COL4A5: variants seen among roughly 807,000 people sequenced by gnomAD.
COL4A5 encodes collagen alpha-5(IV) chain.
A neutral mutation model predicts 130.2 loss-of-function variants in COL4A5; 26 were observed. The ratio of observed to expected loss-of-function variants is 0.20; its 90% CI spans 0.15 to 0.28. The LOEUF (loss-of-function observed/expected upper bound fraction) is 0.28. Among genes scored for constraint, COL4A5 ranks in the 10% least tolerant of loss-of-function variants. COL4A5 has a pLI of 1.00. For missense variants in COL4A5, 1,131 were observed against 1,344.3 expected (o/e 0.84, Z 2.48); for synonymous variants, 496 against 439.6 (o/e 1.13, Z -1.60).
chrX:108,508,175 A>T (rs940958553), intron 1 of COL4A5, among the ~76,000 whole-genome samples: 1 of 111,118 alleles, frequency 9.0e-6, no homozygotes, highest in Non-Finnish European at 1.9e-5. Flanking sequence ...CAGCTGATAA[A>T]CAACTTTGGC....
intron 1 of COL4A5, among the ~76,000 whole-genome samples, chrX:108,485,506 T>G (rs1429001696): frequency 9.0e-6 from 1 of 110,696 alleles, no homozygotes; most frequent in African/African-American, 3.3e-5. Flanking sequence ...GGGCTACTGG[T>G]TATTTAGTCT....
At chrX:108,647,308 G>C (rs1374424900) in intron 36 of COL4A5, among the ~76,000 whole-genome samples, 2 of 111,250 alleles carry the variant, frequency 1.8e-5, no homozygotes, top group African/African-American at 6.5e-5. Flanking sequence ...TCCCTTGTAA[G>C]TTGGATTCCT....
intron 8 of COL4A5, among the ~76,000 whole-genome samples, 169 bp from the exon 9 acceptor site, chrX:108,573,405 A>C (rs1024718239): frequency 2.7e-5 from 3 of 111,679 alleles, no homozygotes; most frequent in African/African-American, 9.7e-5. Context: ...TACTCTGGCC[A>C]CTTCCTCATT....
At chrX:108,580,445 A>G in intron 13 of COL4A5, 88 bp from the exon 14 acceptor site, 1 of 784,461 alleles carries the variant, frequency 1.3e-6, no homozygotes, top group South Asian at 2.1e-5. Context: ...TCAGTTTATT[A>G]AAAATGCTCC....
chrX:108,540,170 C>T (rs1480104626), intron 2 of COL4A5, among the ~76,000 whole-genome samples: 3 of 111,299 alleles, frequency 2.7e-5, no homozygotes, highest in Non-Finnish European at 5.7e-5. Context: ...ATATTTCTGG[C>T]GACCACAGAA....
intron 2 of COL4A5, among the ~76,000 whole-genome samples, chrX:108,540,699 C>T (rs2065525166): frequency 1.8e-5 from 2 of 111,872 alleles, no homozygotes. Flanking sequence ...GATCTGCCCA[C>T]CTTGGCAGGG....
chrX:108,547,382 C>A (rs759426470), intron 2 of COL4A5, among the ~76,000 whole-genome samples: 1 of 111,724 alleles, frequency 9.0e-6, no homozygotes, highest in South Asian at 3.7e-4. Flanking sequence ...CACTCCAGAC[C>A]CTGTTTGCAT....
chrX:108,457,509 A>G (rs978315623), intron 1 of COL4A5, among the ~76,000 whole-genome samples: 1 of 111,719 alleles, frequency 9.0e-6, no homozygotes, highest in Non-Finnish European at 1.9e-5. Flanking sequence ...TGCATTTGAT[A>G]TTGTCACTCT....
intron 21 of COL4A5, among the ~76,000 whole-genome samples, chrX:108,595,259 A>G (rs2066494480): frequency 8.9e-6 from 1 of 111,969 alleles, no homozygotes; most frequent in African/African-American, 3.2e-5. Flanking sequence ...AGTGTGAGGC[A>G]TGTAGACATG....
chrX:108,455,064 AT>A (rs1299780978), intron 1 of COL4A5, among the ~76,000 whole-genome samples: 1 of 112,250 alleles, frequency 8.9e-6, no homozygotes, highest in African/African-American at 3.2e-5. Flanking sequence ...GCTCCAAAAG[AT>A]TTTTATTCCT....
intron 19 of COL4A5, among the ~76,000 whole-genome samples, chrX:108,588,785 A>T (rs73526300): frequency 4.9e-4 from 54 of 111,214 alleles, no homozygotes; most frequent in African/African-American, 1.5e-3. Context: ...ACAAAAGGCC[A>T]ATCACCTACA....
chrX:108,627,273 T>C, intron 36 of COL4A5: 1 of 611,026 alleles, frequency 1.6e-6, no homozygotes, highest in East Asian at 1.7e-4. Context: ...ATATTAAGGG[T>C]AAGAGTGAAA....
chrX:108,500,119 TG>T (rs1439749912), intron 1 of COL4A5, among the ~76,000 whole-genome samples: 3 of 112,340 alleles, frequency 2.7e-5, no homozygotes, highest in Non-Finnish European at 5.6e-5. Context: ...AGTAAATACC[TG>T]AACTGTTTTC....
intron 38 of COL4A5, among the ~76,000 whole-genome samples, chrX:108,665,849 G>A (rs780386921): frequency 1.7e-4 from 19 of 111,824 alleles, no homozygotes; most frequent in African/African-American, 5.5e-4. Context: ...TCAGGAGCTC[G>A]AGACTAGCTT....
chrX:108,522,406 T>G (rs1438316342), intron 1 of COL4A5, among the ~76,000 whole-genome samples: 2 of 104,712 alleles, frequency 1.9e-5, no homozygotes, highest in African/African-American at 3.5e-5. Flanking sequence ...CCACTAGCAA[T>G]GTAGGAGAGT....
intron 1 of COL4A5, among the ~76,000 whole-genome samples, chrX:108,509,563 T>C: frequency 8.9e-6 from 1 of 112,100 alleles, no homozygotes; most frequent in Non-Finnish European, 1.9e-5. Context: ...AAATGCTCAA[T>C]GTCACTGATC....
At chrX:108,493,838 G>T (rs1168444030) in intron 1 of COL4A5, among the ~76,000 whole-genome samples, 2 of 108,170 alleles carry the variant, frequency 1.8e-5, no homozygotes, top group South Asian at 3.9e-4. Context: ...GTAGCTAATG[G>T]TATCTTTTAA....
chrX:108,493,881 TA>T (rs779913169), intron 1 of COL4A5, among the ~76,000 whole-genome samples: 2 of 110,443 alleles, frequency 1.8e-5, no homozygotes, highest in Non-Finnish European at 3.8e-5. Context: ...TTTTCACTCT[TA>T]ATGGTTCTGT....
At chrX:108,546,269 G>A (rs1243314221) in intron 2 of COL4A5, among the ~76,000 whole-genome samples, 1 of 111,865 alleles carries the variant, frequency 8.9e-6, no homozygotes, top group Non-Finnish European at 1.9e-5. Context: ...TCCATGTTTA[G>A]TGCTTCCTTC....
Sources: allele counts gnomAD v4.1 joint callset (sites outside exome capture counted in the v4.1 genomes callset), GRCh38; gene constraint gnomAD v4.1.1; transcripts MANE v1.5; gene names NCBI Gene and HGNC (gene_info 2026-07-23, HGNC 2026-07-21).